DST: variants seen among roughly 807,000 people sequenced by gnomAD.
DST encodes the protein bullous pemphigoid antigen.
A neutral mutation model predicts 875.2 loss-of-function variants in DST; 253 were observed. The observed-to-expected ratio is 0.29, with a 90% CI of 0.26 to 0.32. The LOEUF (loss-of-function observed/expected upper bound fraction) is 0.32. Among genes scored for constraint, DST ranks in the 10% least tolerant of loss-of-function variants. The pLI is 1.00. For missense variants in DST, 8,287 were observed against 9,111.6 expected (o/e 0.91, Z 3.68); for synonymous variants, 3,124 against 3,197.1 (o/e 0.98, Z 0.77).
chr6:56,662,955 AAAC>A (rs1476337106), intron 10 of DST, among the ~76,000 whole-genome samples: 7 of 152,196 alleles, frequency 4.6e-5, no homozygotes, highest in African/African-American at 1.7e-4. Context: ...TCTCAAAACA[AAAC>A]AAAACAGAAC....
chr6:56,592,158 G>C, intron 49 of DST, 24 bp downstream of exon 49: 1 of 1,604,914 alleles, frequency 6.2e-7, no homozygotes, highest in Non-Finnish European at 8.5e-7. Flanking sequence ...TACTGGAAAT[G>C]TGGATCTTTC....
chr6:56,552,354 C>G lies in DST; in HGVS notation c.16438G>C (p.Ala5480Pro). The G allele has an allele frequency of 1.2e-6, 2 of 1,613,940 alleles. No individual in the cohort carries two copies. The highest frequency in any genetic ancestry group is 1.7e-6 in the Non-Finnish European group (2 of 1,179,884). ...TCAACCTGCTCTTCTCTGGCTTGGG[C>G]TCGGTCCAGTAACTTGTTGCATTGT... Reference protein sequence around the residue: ...SKQCNKLLDRAQAREEQVEGT... With the variant: ...SKQCNKLLDRPQAREEQVEGT... The change falls in exon 61 of 104, where the codon GCC becomes CCC. Residue 5480 changes from alanine (A) to proline (P), a missense_variant. By Grantham distance (27) the Ala-to-Pro change is conservative. Coordinates refer to ENST00000680361, the MANE Select transcript of DST (RefSeq NM_001374736.1).
chr6:56,917,186 G>A (rs781572178), intron 2 of DST, among the ~76,000 whole-genome samples: 2 of 152,078 alleles, frequency 1.3e-5, no homozygotes, highest in Non-Finnish European at 2.9e-5. Flanking sequence ...CTGTGTTCAA[G>A]TCTTAAATGC....
intron 10 of DST, among the ~76,000 whole-genome samples, chr6:56,661,317 C>T (rs999248340): frequency 6.6e-6 from 1 of 152,004 alleles, no homozygotes; most frequent in African/African-American, 2.4e-5. Context: ...TTACATATAC[C>T]GGCTGCTCCT....
At chr6:56,786,375 C>A (rs2099705583) in intron 4 of DST, among the ~76,000 whole-genome samples, 1 of 152,154 alleles carries the variant, frequency 6.6e-6, no homozygotes, top group Admixed American at 6.5e-5. Flanking sequence ...TCTTGTCTGG[C>A]CATTTACAAT....
At chr6:56,536,055 G>A (rs2096991353) in intron 62 of DST, among the ~76,000 whole-genome samples, 1 of 152,148 alleles carries the variant, frequency 6.6e-6, no homozygotes, top group African/African-American at 2.4e-5. Flanking sequence ...GATGTCAATC[G>A]AAAGAAAACA....
rs578062450 is a variant in DST, at chr6:56,618,760, C to A, written c.4930-4276G>T. 6.2e-6 allele frequency: 10 copies of A among 1,614,122 alleles called. No homozygotes were observed. The South Asian group carries it at 1.1e-4, about 18-fold the overall frequency. Reference sequence around the variant, plus strand: ...TGACTTTGGACTCCATTAATTTTTCCATCTTCTTCCGAAACTCCTCTGCTG... The same window carrying A: ...TGACTTTGGACTCCATTAATTTTTCAATCTTCTTCCGAAACTCCTCTGCTG... On this transcript the variant is annotated intron_variant, in intron 36 of 103. Transcript: ENST00000680361.
chr6:56,603,302 C>A lies in DST; in HGVS notation c.11060G>T (p.Ser3687Ile). 1.2e-6 allele frequency: 2 copies of A among 1,610,714 alleles called. No individual in the cohort carries two copies. The highest frequency in any genetic ancestry group is 1.7e-6 in the Non-Finnish European group (2 of 1,178,696). The change falls in exon 42 of 104, where the codon AGT (serine) becomes ATT (isoleucine). Residue 3687 changes from serine to isoleucine, a missense_variant. By Grantham distance (142) the Ser-to-Ile change is moderately radical. Transcript: ENST00000680361. ...GGTCTTCAAACTCTGGTGGCTAATACTCAATTCTTCAACATGGCCTCTGGG... is the reference window on the plus strand; with the variant it reads ...GGTCTTCAAACTCTGGTGGCTAATAATCAATTCTTCAACATGGCCTCTGGG... ...DFPRGHVEEL[S>I]ISHQSLKTAF...
chr6:56,938,108 C>CTCTCTCTCTCTCTCTATATATATATA (rs1383243392), intron 2 of DST, among the ~76,000 whole-genome samples: 33 of 120,738 alleles, frequency 2.7e-4, no homozygotes, highest in African/African-American at 1.1e-3. Context: ...CTCTCTCTCT[C>CTCTCTCTCTCTCTCTATATATATATA]TATATATATA....
intron 4 of DST, among the ~76,000 whole-genome samples, chr6:56,739,662 GA>G (rs1361998830): frequency 3.3e-5 from 5 of 152,146 alleles, no homozygotes; most frequent in African/African-American, 1.2e-4. Context: ...TAATAAAACA[GA>G]TTGCAGTAAA....
intron 2 of DST, among the ~76,000 whole-genome samples, chr6:56,920,436 T>C (rs990402939): frequency 1.3e-5 from 2 of 152,150 alleles, no homozygotes; most frequent in Non-Finnish European, 1.5e-5. Flanking sequence ...GGAAATGAAG[T>C]CTCTAGCTCG....
chr6:56,851,671 T>C, intron 3 of DST, 67 bp from the exon 4 acceptor site: 1 of 1,562,578 alleles, frequency 6.4e-7, no homozygotes. Context: ...GATTTAAACA[T>C]CTCCCCCACC....
chr6:56,628,021 G>T lies in DST; in HGVS notation c.4616C>A (p.Ala1539Asp), dbSNP rs1364277908. Residue 1539 changes from alanine to aspartate, a missense_variant, in exon 33 of 104, where the codon GCC becomes GAC. Transcript: ENST00000680361. The stretch of plus-strand genomic sequence containing the variant: ...TACCTTCTGTTGATTCAACTGTGTG[G>T]CTAGGGTTTTACTATTTTCAGGCTG... ...ENQPENSKTL[A>D]TQLNQQKMLV... The T allele has an allele frequency of 2.5e-6, 4 of 1,613,826 alleles. No individual in the cohort carries two copies. The highest frequency in any genetic ancestry group is 2.5e-6 in the Non-Finnish European group (3 of 1,179,780).
intron 90 of DST, among the ~76,000 whole-genome samples, chr6:56,480,041 G>C (rs527591688): frequency 6.6e-6 from 1 of 152,272 alleles, no homozygotes; most frequent in South Asian, 2.1e-4. Context: ...ATGTTAGACT[G>C]TTCGGTCCAC....
intron 2 of DST, among the ~76,000 whole-genome samples, chr6:56,903,007 T>G (rs1216279093): frequency 1.3e-5 from 2 of 151,984 alleles, no homozygotes; most frequent in South Asian, 2.1e-4. Context: ...TCTGATAATT[T>G]TTCTACACTT....
chr6:56,467,672 A>C (rs1180388094), intron 98 of DST, among the ~76,000 whole-genome samples: 1 of 152,190 alleles, frequency 6.6e-6, no homozygotes, highest in Non-Finnish European at 1.5e-5. Flanking sequence ...AAAAGTTATA[A>C]GGAAATAACT....
chr6:56,614,817 A>G (rs2098596608), intron 36 of DST: 1 of 1,005,064 alleles, frequency 9.9e-7, no homozygotes, highest in South Asian at 4.5e-5. Flanking sequence ...TAGCATTACA[A>G]TCCTAATTGT....
chr6:56,595,096 C>T (rs969946090), intron 47 of DST, among the ~76,000 whole-genome samples: 1 of 152,182 alleles, frequency 6.6e-6, no homozygotes, highest in African/African-American at 2.4e-5. Context: ...AAAAAGGATA[C>T]TAATCCTTCT....
Position 56,603,831 on chromosome 6 carries a change from A to C in DST, c.10791+6T>G. The C allele has an allele frequency of 6.2e-7, 1 of 1,606,020 alleles. No homozygotes were observed. The highest frequency in any genetic ancestry group is 8.5e-7 in the Non-Finnish European group (1 of 1,176,736). On this transcript the variant is annotated splice_donor_region_variant and intron_variant, in intron 40 of 103. Coordinates refer to ENST00000680361, the MANE Select transcript of DST (RefSeq NM_001374736.1). ...TTTTCTGTATAAAATGTATAGGTCA[A>C]CTTACTTGTTCGGTTGAGCTATCTC... is the stretch of plus-strand genomic sequence containing the variant.
Sources: allele counts gnomAD v4.1 joint callset (sites outside exome capture counted in the v4.1 genomes callset), GRCh38; gene constraint gnomAD v4.1.1; transcripts MANE v1.5; gene names NCBI Gene and HGNC (gene_info 2026-07-23, HGNC 2026-07-21).